The following KCNQ1OT1 variants were observed in gnomAD, a reference collection of about 807,000 sequenced individuals.
KCNQ1OT1 encodes the protein KCNQ1 opposite strand/antisense transcript 1.
rs1453257637 is a variant in KCNQ1OT1 at position 2,676,822 on chromosome 11, C to T, written n.23173G>A. ...CAGTGTATTGTGCTGGGATCTACCA[C>T]AGGGGTCATGTTGTAATGACACCTG... On this transcript the variant is annotated non_coding_transcript_exon_variant, in exon 1 of 1. Transcript: ENST00000597346. This position sits in a 1 kb window ranked among gnomAD's most constrained non-coding sequence, Gnocchi z 4.2. 4 of 398,498 alleles carry T rather than the reference C, an allele frequency of 1.0e-5. No individual in the cohort carries two copies. Among genetic ancestry groups the T allele is most frequent in the Non-Finnish European group, 4.4e-6 (1 of 226,078 alleles). The allele number at this position is 398,498 out of a possible 1,614,324, so 24.7% of individuals were successfully genotyped here.
exon 1 of KCNQ1OT1, chr11:2,615,617 T>G (rs1849048066): frequency 2.5e-6 from 1 of 397,954 alleles, no homozygotes; most frequent in South Asian, 1.3e-4. Context: ...CAAATGCTTG[T>G]TCTGAGTGAA....
exon 1 of KCNQ1OT1, chr11:2,656,853 T>G: frequency 2.5e-6 from 1 of 398,660 alleles, no homozygotes; most frequent in Non-Finnish European, 4.4e-6. Flanking sequence ...CTTTTCATAG[T>G]TAGGTCTTCA....
exon 1 of KCNQ1OT1, chr11:2,667,124 G>A (rs1564851373): frequency 2.5e-6 from 1 of 398,578 alleles, no homozygotes; most frequent in Admixed American, 4.4e-5. Flanking sequence ...ATGGCTCAGT[G>A]GGAAAGAGAT....
exon 1 of KCNQ1OT1, chr11:2,618,559 A>G (rs186624545): frequency 1.5e-5 from 6 of 398,538 alleles, no homozygotes; most frequent in African/African-American, 6.2e-5. Flanking sequence ...ACTGGTCTAC[A>G]TGTTTGTTTT....
chr11:2,630,820 G>A (rs1849340455), exon 1 of KCNQ1OT1: 1 of 398,292 alleles, frequency 2.5e-6, no homozygotes, highest in African/African-American at 2.1e-5. Context: ...TCTTGTATCT[G>A]TTTCATATCT....
rs1280087093 is a variant in KCNQ1OT1 at position 2,654,101 on chromosome 11, T to C, written n.45894A>G. On this transcript the variant is annotated non_coding_transcript_exon_variant, in exon 1 of 1. Transcript: ENST00000597346. This position sits in a 1 kb window ranked among gnomAD's most constrained non-coding sequence, Gnocchi z 6.4. ...ATCCATGTCCCTTACTTCTCGCCTC[T>C]GAGTGGAGACACAGGTGGTGGCGGG... 1.3e-5 allele frequency: 5 copies of C among 398,650 alleles called. No individual in the cohort carries two copies. The highest frequency in any genetic ancestry group is 4.1e-5 in the African/African-American group (2 of 48,648). The allele number at this position is 398,650 out of a possible 1,614,324, so 24.7% of individuals were successfully genotyped here.
exon 1 of KCNQ1OT1, chr11:2,628,280 A>C: frequency 2.5e-6 from 1 of 398,582 alleles, no homozygotes; most frequent in Non-Finnish European, 4.4e-6. Flanking sequence ...CCTTTTCTCC[A>C]CATCCTCACC....
chr11:2,632,354 G>A (rs538732408), exon 1 of KCNQ1OT1: 17 of 398,180 alleles, frequency 4.3e-5, no homozygotes, highest in Non-Finnish European at 7.5e-5. Flanking sequence ...TCTAAATGAT[G>A]CCTTTATTTC....
At position 2,694,856 on chromosome 11, in the gene KCNQ1OT1, C is replaced by T. The variant is rs1190473482; in HGVS notation, n.5139G>A. 6 of 398,582 alleles carry T rather than the reference C, an allele frequency of 1.5e-5. No individual in the cohort carries two copies. In the East Asian group the frequency reaches 2.1e-4, roughly 14 times the overall value. The allele number at this position is 398,582 out of a possible 1,614,324, so 24.7% of individuals were successfully genotyped here. Reference sequence around the variant, plus strand: ...GATATGGCAGGTCAGAGCAAAATTTCCTGTGAGATTTAAATAAGAAGAAGG... The same window carrying T: ...GATATGGCAGGTCAGAGCAAAATTTTCTGTGAGATTTAAATAAGAAGAAGG... On this transcript the variant is annotated non_coding_transcript_exon_variant, in exon 1 of 1. Coordinates refer to ENST00000597346, the Ensembl canonical transcript of KCNQ1OT1.
In KCNQ1OT1 at chr11:2,612,548, CCTA is replaced by C. The variant is rs1408818556; in HGVS notation, n.87444_87446del. The C allele has an allele frequency of 1.0e-5, 4 of 398,414 alleles. No homozygotes were observed. Among genetic ancestry groups the C allele is most frequent in the African/African-American group, 8.2e-5 (4 of 48,600 alleles). The allele number at this position is 398,414 out of a possible 1,614,324, so 24.7% of individuals were successfully genotyped here. ...CTTAGCCGCACTAGTGAGTTTTTCA[CCTA>C]AGTTATTATATTTCACAACTACAGA... On this transcript the variant is annotated non_coding_transcript_exon_variant, in exon 1 of 1. Coordinates refer to ENST00000597346, the Ensembl canonical transcript of KCNQ1OT1. The surrounding 1 kb of genome is among the most constrained non-coding windows in gnomAD (Gnocchi z 5.5).
At position 2,658,623 on chromosome 11, in the gene KCNQ1OT1, G is replaced by C. The variant is rs1162200803; in HGVS notation, n.41372C>G. ...GAATAGAAAACCTGGATCTAGGCAC[G>C]GGGTATGCTCGTGGCTACTAGGGTA... On this transcript the variant is annotated non_coding_transcript_exon_variant, in exon 1 of 1. Transcript: ENST00000597346. The surrounding 1 kb of genome is among the most constrained non-coding windows in gnomAD (Gnocchi z 4.9). 2.5e-6 allele frequency: 1 copy of C among 398,318 alleles called. No individual in the cohort carries two copies. The highest frequency in any genetic ancestry group is 2.1e-5 in the African/African-American group (1 of 48,558). The allele number at this position is 398,318 out of a possible 1,614,324, so 24.7% of individuals were successfully genotyped here.
rs1166336344 is a variant in KCNQ1OT1 at position 2,612,380 on chromosome 11, AG to A, written n.87614del. 2 of 398,530 alleles carry A rather than the reference AG, an allele frequency of 5.0e-6. No homozygotes were observed. The highest frequency in any genetic ancestry group is 4.4e-6 in the Non-Finnish European group (1 of 226,082). The allele number at this position is 398,530 out of a possible 1,614,324, so 24.7% of individuals were successfully genotyped here. On this transcript the variant is annotated non_coding_transcript_exon_variant, in exon 1 of 1. Coordinates refer to ENST00000597346, the Ensembl canonical transcript of KCNQ1OT1. The surrounding 1 kb of genome is among the most constrained non-coding windows in gnomAD (Gnocchi z 5.5). ...ACAAAACTGGTCCCTCATGCCAAAAAGGTTGGGGACCACTATATTATGGTAT... is the reference window on the plus strand; with the variant it reads ...ACAAAACTGGTCCCTCATGCCAAAAAGTTGGGGACCACTATATTATGGTAT...
rs1267456013 is a variant in KCNQ1OT1 at position 2,699,643 on chromosome 11, C to CCGCGCCAAAGAACCCCCGGGGAG, written n.351_352insCTCCCCGGGGGTTCTTTGGCGCG. ...AACCGCGCCGAAGAACCCCCGGGGA[C>CCGCGCCAAAGAACCCCCGGGGAG]AACCGCGCCGAAGAACCCCCGGGGA... On this transcript the variant is annotated non_coding_transcript_exon_variant, in exon 1 of 1. Coordinates refer to ENST00000597346, the Ensembl canonical transcript of KCNQ1OT1. The CCGCGCCAAAGAACCCCCGGGGAG allele has an allele frequency of 1.0e-4, 38 of 364,696 alleles. 2 individuals are homozygous for CCGCGCCAAAGAACCCCCGGGGAG. The Admixed American group carries it at 1.8e-3, about 18-fold the overall frequency. The allele number at this position is 364,696 out of a possible 1,614,324, so 22.6% of individuals were successfully genotyped here.
At chr11:2,689,587 T>A (rs1455978619) in exon 1 of KCNQ1OT1, 1 of 398,526 alleles carries the variant, frequency 2.5e-6, no homozygotes, top group Admixed American at 4.4e-5. Context: ...AGCAGTGGTG[T>A]CTTCTAGATT....
At chr11:2,681,245 C>A (rs1187488079) in exon 1 of KCNQ1OT1, 2 of 398,422 alleles carry the variant, frequency 5.0e-6, no homozygotes, top group Non-Finnish European at 8.8e-6. Flanking sequence ...GGAGAGTATT[C>A]CTGCCTCCCC....
chr11:2,666,407 A>G (rs1294898878), exon 1 of KCNQ1OT1: 2 of 398,564 alleles, frequency 5.0e-6, no homozygotes, highest in African/African-American at 4.1e-5. Flanking sequence ...GAGCAAAAAC[A>G]GCCCCGTGTG....
chr11:2,692,573 G>A (rs1332661122), exon 1 of KCNQ1OT1: 1 of 398,806 alleles, frequency 2.5e-6, no homozygotes, highest in African/African-American at 2.1e-5. Context: ...CCCCAAGGGA[G>A]TTTTTCAGAC....
Position 2,664,853 on chromosome 11 carries a change from C to T in KCNQ1OT1, n.35142G>A. On this transcript the variant is annotated non_coding_transcript_exon_variant, in exon 1 of 1. Transcript: ENST00000597346. This position sits in a 1 kb window ranked among gnomAD's most constrained non-coding sequence, Gnocchi z 5.1. ...TGTTAAATGTATTACCATGCTGGGC[C>T]AGTTCCAGAATTCAAATTAAAAACA... 2.5e-6 allele frequency: 1 copy of T among 398,626 alleles called. No individual in the cohort carries two copies. The highest frequency in any genetic ancestry group is 4.4e-6 in the Non-Finnish European group (1 of 226,072). 24.7% of individuals were successfully genotyped at this position (398,626 alleles called of 1,614,324 possible).
exon 1 of KCNQ1OT1, chr11:2,656,269 C>T: frequency 2.5e-6 from 1 of 398,660 alleles, no homozygotes. Context: ...GTACTTGAAT[C>T]TCAGCCCCAA....
Sources: gnomAD v4.1 joint callset for allele counts on GRCh38, gnomAD v4.1.1 for gene constraint, Gnocchi (gnomAD v3.1) non-coding constraint, MANE v1.5 for transcripts, NCBI Gene and HGNC (gene_info 2026-07-23, HGNC 2026-07-21) for gene names.